Variants in HIVEP1 observed in about 807,000 individuals in gnomAD.
HIVEP1 encodes the protein zinc finger protein 40.
A neutral mutation model predicts 180.0 loss-of-function variants in HIVEP1; 36 were observed. The observed-to-expected ratio is 0.20, with a 90% CI of 0.15 to 0.26. The LOEUF (loss-of-function observed/expected upper bound fraction) is 0.26. Among genes scored for constraint, HIVEP1 ranks in the 10% least tolerant of loss-of-function variants. The pLI is 1.00. For missense variants in HIVEP1, 3,143 were observed against 3,268.7 expected, an observed-to-expected ratio of 0.96 and a Z score of 0.94; for synonymous variants, 1,239 against 1,239.0, an observed-to-expected ratio of 1.00 and a Z score of 0.00.
chr6:12,179,347 T>C, the HIVEP1 span, among the ~76,000 whole-genome samples: 1 of 151,712 alleles, frequency 6.6e-6, no homozygotes, highest in Non-Finnish European at 1.5e-5. Flanking sequence ...TCACCTCCTA[T>C]CATTTTTTGC....
chr6:12,162,222 T>TAAA (rs67198436), intron 8 of HIVEP1, among the ~76,000 whole-genome samples: 1 of 146,028 alleles, frequency 6.8e-6, no homozygotes, highest in Non-Finnish European at 1.5e-5. Context: ...TTTTTGAAAT[T>TAAA]AAAAAAAAAA....
In HIVEP1 at chr6:12,122,343, G is replaced by C. The variant is rs756578605; in HGVS notation, c.2548G>C (p.Val850Leu). The C allele has an allele frequency of 1.2e-6, 2 of 1,614,104 alleles. No homozygotes were observed. Among genetic ancestry groups the C allele is most frequent in the African/African-American group, 2.7e-5 (2 of 74,936 alleles). The change falls in exon 4 of 9, where the codon GTA (valine) becomes CTA (leucine). Residue 850 changes from valine to leucine, a missense_variant. By Grantham distance (32) the Val-to-Leu change is conservative. Transcript: ENST00000379388. ...CATGCCGACCACAGGTTATTCAGCA[G>C]TACCTGCAAATATAATACCTCCTCC... Reference protein sequence around the residue: ...NSMPTTGYSAVPANIIPPPHP... With the variant: ...NSMPTTGYSALPANIIPPPHP...
intron 2 of HIVEP1, among the ~76,000 whole-genome samples, chr6:12,043,166 A>C (rs1223264091): frequency 6.6e-6 from 1 of 152,038 alleles, no homozygotes; most frequent in Admixed American, 6.6e-5. Context: ...CCTTCACTGT[A>C]CTTTTTTATT....
In HIVEP1 at chr6:12,119,985, A is replaced by C. The variant is rs978050649; in HGVS notation, c.190A>C (p.Lys64Gln). 2 of 1,612,176 alleles carry C rather than the reference A, an allele frequency of 1.2e-6. No homozygotes were observed. The highest frequency in any genetic ancestry group is 1.7e-6 in the Non-Finnish European group (2 of 1,179,560). The change falls in exon 4 of 9, where the codon AAA becomes CAA. Residue 64 changes from lysine to glutamine, a missense_variant. Physicochemically the swap from Lys to Gln is moderately conservative, Grantham distance 53 (BLOSUM62 1). Around this residue, in one of 12 missense-constraint regions of HIVEP1, gnomAD observed 114 missense variants for 134.5 expected, o/e 0.85. Transcript: ENST00000379388. ...VAENHLKKIP[K>Q]SPLRNPLQAK... ...TGAGAATCACCTGAAAAAAATACCA[A>C]AATCCCCACTGAGAAATCCTCTTCA...
At chr6:12,195,225 G>C in the HIVEP1 span, among the ~76,000 whole-genome samples, 1 of 152,200 alleles carries the variant, frequency 6.6e-6, no homozygotes, top group Non-Finnish European at 1.5e-5. Context: ...TACTAGACGA[G>C]TTCCCTGAGA....
intron 3 of HIVEP1, among the ~76,000 whole-genome samples, chr6:12,112,918 C>T (rs1774994983): frequency 6.6e-6 from 1 of 152,108 alleles, no homozygotes; most frequent in African/African-American, 2.4e-5. Context: ...TGTTCTTCTC[C>T]CGGCTGCAGG....
intron 3 of HIVEP1, among the ~76,000 whole-genome samples, chr6:12,093,311 TA>T (rs1417186525): frequency 6.6e-6 from 1 of 151,932 alleles, no homozygotes; most frequent in Non-Finnish European, 1.5e-5. Context: ...TTTTCAGATT[TA>T]TTTTTTACTT....
chr6:12,011,749 C>T (rs964992108), upstream of HIVEP1, among the ~76,000 whole-genome samples: 1 of 148,548 alleles, frequency 6.7e-6, no homozygotes, highest in East Asian at 2.0e-4. Flanking sequence ...CCGGGCCGGG[C>T]GCCCATCCAG....
intron 7 of HIVEP1, among the ~76,000 whole-genome samples, chr6:12,158,371 C>T (rs909128400): frequency 1.3e-5 from 2 of 152,094 alleles, no homozygotes; most frequent in African/African-American, 2.4e-5. Flanking sequence ...TGTAGAGATA[C>T]CTTGTGTTTT....
intron 6 of HIVEP1, among the ~76,000 whole-genome samples, chr6:12,131,970 T>C (rs2113571919): frequency 6.6e-6 from 1 of 152,270 alleles, no homozygotes; most frequent in Admixed American, 6.5e-5. Flanking sequence ...AAGAGAGTTA[T>C]AACTTGTAAC....
Position 12,051,798 on chromosome 6 carries a change from C to T in HIVEP1, c.40+36130C>T, listed in dbSNP as rs148406229. Among the ~76,000 whole-genome samples, 67 of 152,108 alleles carry T rather than the reference C, an allele frequency of 4.4e-4. No homozygotes were observed. The East Asian group carries it at 4.4e-3, about 10-fold the overall frequency. ...ATATAAATCTTTATAAACGCTTATT[C>T]ACTGTGCTTTTTACTTTTAGTCAGC... On this transcript the variant is annotated intron_variant, in intron 2 of 8. Transcript: ENST00000379388.
At chr6:12,069,560 TG>T (rs1164036336) in intron 2 of HIVEP1, among the ~76,000 whole-genome samples, 6 of 118,440 alleles carry the variant, frequency 5.1e-5, no homozygotes, top group Middle Eastern at 0.013. Flanking sequence ...CATCACACTC[TG>T]GGGACTGTTC....
chr6:12,115,350 C>CCT (rs1554145336), intron 3 of HIVEP1, among the ~76,000 whole-genome samples: 1 of 75,296 alleles, frequency 1.3e-5, no homozygotes, highest in Non-Finnish European at 2.3e-5. Context: ...CCCAACTATT[C>CCT]TTTTTTTTTT....
chr6:12,116,815 G>A (rs1581713620), intron 3 of HIVEP1, among the ~76,000 whole-genome samples: 1 of 152,116 alleles, frequency 6.6e-6, no homozygotes, highest in East Asian at 1.9e-4. Flanking sequence ...TGGAAGACAG[G>A]CCCAAATTCT....
chr6:12,140,297 A>G (rs1419478320), intron 7 of HIVEP1, among the ~76,000 whole-genome samples: 2 of 152,222 alleles, frequency 1.3e-5, no homozygotes, highest in Non-Finnish European at 2.9e-5. Flanking sequence ...AAACTAACAA[A>G]CAAAAGGATT....
At position 12,124,821 on chromosome 6, in the gene HIVEP1, G is replaced by A; in HGVS notation, c.5026G>A (p.Val1676Ile). Residue 1676 changes from valine to isoleucine, a missense_variant, in exon 4 of 9, where the codon GTA (valine) becomes ATA (isoleucine). Transcript: ENST00000379388. ...NQPICQTNHS[V>I]VPISEEQNSV... is the part of the protein sequence containing the mutation. ...GCCAATTTGCCAGACTAATCATAGT[G>A]TAGTGCCAATCAGTGAAGAACAAAA... 1 of 1,614,158 alleles carries A rather than the reference G, an allele frequency of 6.2e-7. No homozygotes were observed. Among genetic ancestry groups the A allele is most frequent in the African/African-American group, 1.3e-5 (1 of 75,040 alleles).
At position 12,086,076 on chromosome 6, in the gene HIVEP1, TGTATACATTTTTAATA is replaced by T. The variant is rs1207354435; in HGVS notation, c.41-3089_41-3074del. On this transcript the variant is annotated intron_variant, in intron 2 of 8. Transcript: ENST00000379388. ...TAGCCTTTATCATTAACAGTTTCTG[TGTATACATTTTTAATA>T]GTATACATTTTTAATAGTTGTAGGA... 7.2e-5 allele frequency among the ~76,000 whole-genome samples: 11 copies of T among 152,290 alleles called. 1 individual carries two copies. The South Asian group carries it at 1.2e-3, about 17-fold the overall frequency.
rs1384837959 is a variant in HIVEP1, at chr6:12,125,477, A to C, written c.5682A>C (p.Glu1894Asp). The change falls in exon 4 of 9, where the codon GAA (glutamate) becomes GAC (aspartate). Residue 1894 changes from glutamate to aspartate, a missense_variant. Transcript: ENST00000379388. Reference protein sequence around the residue: ...SPLKCTDNNQERKSPGVKNQG... With the variant: ...SPLKCTDNNQDRKSPGVKNQG... The stretch of plus-strand genomic sequence containing the variant: ...TGAAATGTACAGACAATAACCAAGA[A>C]AGGAAGTCTCCAGGGGTTAAAAATC... 5.0e-6 allele frequency: 8 copies of C among 1,613,976 alleles called. No homozygotes were observed. The highest frequency in any genetic ancestry group is 1.7e-5 in the Admixed American group (1 of 59,994).
At chr6:12,127,721 C>T (rs1374084482) in intron 4 of HIVEP1, among the ~76,000 whole-genome samples, 1 of 152,186 alleles carries the variant, frequency 6.6e-6, no homozygotes, top group African/African-American at 2.4e-5. Context: ...AGAAAGTCCA[C>T]ACTCCTGTAT....
Sources: allele counts gnomAD v4.1 joint callset (sites outside exome capture counted in the v4.1 genomes callset), GRCh38; gene constraint gnomAD v4.1.1; regional missense constraint gnomAD v4.1.1; transcripts MANE v1.5; gene names NCBI Gene and HGNC (gene_info 2026-07-23, HGNC 2026-07-21).